The following KAZN variants were observed in gnomAD, a reference collection of about 807,000 sequenced individuals.
KAZN encodes kazrin, periplakin interacting protein.
In KAZN, 40 loss-of-function variants were observed where a neutral mutation model predicts 87.4. The ratio of observed to expected loss-of-function variants is 0.46; its 90% CI spans 0.36 to 0.60. The LOEUF is 0.60. Ranked by LOEUF, KAZN falls within the 20% of genes least tolerant of loss-of-function variation. The pLI is 0.00. For synonymous variants in KAZN, 466 were observed against 458.3 expected (o/e 1.02, Z -0.22); for missense variants, 898 against 1,073.9 (o/e 0.84, Z 2.29).
chr1:14,000,005 T>C lies in KAZN; in HGVS notation c.91+106249T>C, dbSNP rs1014047246. 1.1e-4 allele frequency among the ~76,000 whole-genome samples: 17 copies of C among 152,304 alleles called. No individual in the cohort carries two copies. The East Asian group carries it at 3.1e-3, about 28-fold the overall frequency. On this transcript the variant is annotated intron_variant, in intron 1 of 16. Transcript: ENST00000636203. ...TCCCAAGACTAAACCAGGAAGAGGT[T>C]GAATCCTTGAATAGACCAATAACAA...
At chr1:14,610,982 T>C (rs1677773237) in intron 1 of KAZN, among the ~76,000 whole-genome samples, 2 of 152,340 alleles carry the variant, frequency 1.3e-5, no homozygotes, top group South Asian at 2.1e-4. Context: ...TCGCTGTGGC[T>C]GTAACTGCCT....
At chr1:14,596,636 C>T (rs1432847910), upstream of KAZN, among the ~76,000 whole-genome samples, 1 of 152,224 alleles carries the variant, frequency 6.6e-6, no homozygotes, top group Non-Finnish European at 1.5e-5. Flanking sequence ...CTGACAAACA[C>T]CAATCTGCTT....
At chr1:15,023,684 G>C (rs1670902643) in intron 2 of KAZN, among the ~76,000 whole-genome samples, 1 of 151,920 alleles carries the variant, frequency 6.6e-6, no homozygotes, top group Non-Finnish European at 1.5e-5. Context: ...TGCCTTTTAA[G>C]GGGACAGCTC....
intron 1 of KAZN, among the ~76,000 whole-genome samples, chr1:14,019,973 A>G (rs1409593742): frequency 6.6e-6 from 1 of 152,044 alleles, no homozygotes; most frequent in East Asian, 1.9e-4. Flanking sequence ...CATACAACTC[A>G]TCATAATGTC....
intron 1 of KAZN, among the ~76,000 whole-genome samples, chr1:14,703,117 C>T (rs1199800683): frequency 1.3e-5 from 2 of 152,162 alleles, no homozygotes; most frequent in Non-Finnish European, 2.9e-5. Context: ...GATTTGAATT[C>T]AGGTATATAT....
At chr1:15,113,973 C>A in intron 14 of KAZN, 1 of 153,850 alleles carries the variant, frequency 6.5e-6, no homozygotes, top group South Asian at 2.0e-4. Flanking sequence ...TGTCCAAGGT[C>A]ACACAGCTGG....
At chr1:14,129,568 G>C (rs2101729303) in intron 1 of KAZN, among the ~76,000 whole-genome samples, 1 of 152,352 alleles carries the variant, frequency 6.6e-6, no homozygotes, top group South Asian at 2.1e-4. Flanking sequence ...CTGTGGGGCT[G>C]TGCTGCGTCT....
At chr1:13,923,670 A>G (rs1194926232) in intron 1 of KAZN, among the ~76,000 whole-genome samples, 1 of 150,660 alleles carries the variant, frequency 6.6e-6, no homozygotes, top group African/African-American at 2.5e-5. Flanking sequence ...GAGTAGGCTG[A>G]TGAGGAGGAG....
intron 2 of KAZN, among the ~76,000 whole-genome samples, chr1:14,380,574 A>G (rs373881078): frequency 6.6e-6 from 1 of 152,220 alleles, no homozygotes; most frequent in African/African-American, 2.4e-5. Context: ...CAATTAACAT[A>G]CTAAAAAATA....
At chr1:13,940,070 T>C (rs1215378125) in intron 1 of KAZN, among the ~76,000 whole-genome samples, 2 of 152,160 alleles carry the variant, frequency 1.3e-5, no homozygotes, top group Admixed American at 6.5e-5. Flanking sequence ...CCAAACTAAA[T>C]CAGGGATACT....
intron 2 of KAZN, among the ~76,000 whole-genome samples, chr1:14,281,510 C>T (rs1444572094): frequency 6.6e-6 from 1 of 152,170 alleles, no homozygotes; most frequent in Non-Finnish European, 1.5e-5. Context: ...ACTCCAAGCT[C>T]ACTGTTCTAG....
chr1:14,486,172 A>G (rs1669342529), intron 2 of KAZN, among the ~76,000 whole-genome samples: 1 of 152,136 alleles, frequency 6.6e-6, no homozygotes, highest in Non-Finnish European at 1.5e-5. Flanking sequence ...CTGCCCCAAG[A>G]CCTTAATATT....
chr1:14,521,281 C>T (rs1671571347), intron 2 of KAZN, among the ~76,000 whole-genome samples: 1 of 152,186 alleles, frequency 6.6e-6, no homozygotes, highest in Non-Finnish European at 1.5e-5. Context: ...TCTCTTTTCA[C>T]TCAGTGTGCC....
chr1:14,127,976 G>A (rs914657577), intron 1 of KAZN, among the ~76,000 whole-genome samples: 3 of 152,144 alleles, frequency 2.0e-5, no homozygotes, highest in African/African-American at 7.2e-5. Flanking sequence ...GGATTTGAGG[G>A]CAAGAGGGAG....
At chr1:14,382,768 G>A (rs1250756607) in intron 2 of KAZN, among the ~76,000 whole-genome samples, 22 of 149,122 alleles carry the variant, frequency 1.5e-4, no homozygotes, top group East Asian at 1.2e-3. Flanking sequence ...GAATAATGCC[G>A]CAATAAACAT....
At chr1:15,015,580 G>A (rs940804279) in intron 2 of KAZN, among the ~76,000 whole-genome samples, 3 of 152,164 alleles carry the variant, frequency 2.0e-5, no homozygotes, top group East Asian at 1.9e-4. Context: ...CAGCTGGCAC[G>A]GTTGAGCTGC....
chr1:14,222,178 A>T (rs1314784602), intron 2 of KAZN: 1 of 152,190 alleles, frequency 6.6e-6, no homozygotes, highest in Non-Finnish European at 1.5e-5. Flanking sequence ...GTAAAATCTC[A>T]GAAGTTCTGA....
intron 2 of KAZN, among the ~76,000 whole-genome samples, chr1:14,477,220 G>A (rs1571745490): frequency 6.6e-6 from 1 of 151,870 alleles, no homozygotes; most frequent in Admixed American, 6.6e-5. Context: ...TTTTAAAATG[G>A]GAGTTTCCCT....
At chr1:14,010,121 C>CT (rs373730882) in intron 1 of KAZN, among the ~76,000 whole-genome samples, 5 of 150,264 alleles carry the variant, frequency 3.3e-5, no homozygotes, top group East Asian at 3.9e-4. Context: ...TTAGCTATAA[C>CT]TTTTTTTTTT....
Sources: gnomAD v4.1 joint callset for allele counts (sites outside exome capture counted in the v4.1 genomes callset) on GRCh38, gnomAD v4.1.1 for gene constraint, MANE v1.5 for transcripts, NCBI Gene and HGNC (gene_info 2026-07-23, HGNC 2026-07-21) for gene names.